MBD5: variants seen among roughly 807,000 people sequenced by gnomAD.
MBD5 encodes methyl-CpG binding domain protein 5.
A neutral mutation model predicts 117.3 loss-of-function variants in MBD5; 13 were observed. The observed-to-expected ratio is 0.11, with a 90% confidence interval of 0.07 to 0.18. MBD5 has a LOEUF of 0.18. Among genes scored for constraint, MBD5 ranks in the 10% least tolerant of loss-of-function variants. The probability of loss-of-function intolerance (pLI) is 1.00; values close to 1 mark genes in which losing one functional copy is unlikely to be tolerated. For missense variants in MBD5, 1,879 were observed against 2,093.8 expected, an observed-to-expected ratio of 0.90 and a Z score of 2.00; for synonymous variants, 727 against 766.4, an observed-to-expected ratio of 0.95 and a Z score of 0.85.
rs1448983984 is a variant in MBD5 at position 148,469,001 on chromosome 2, C to G, written c.1058C>G (p.Ser353Cys). 6.2e-7 allele frequency: 1 copy of G among 1,613,640 alleles called. No homozygotes were observed. The highest frequency in any genetic ancestry group is 1.7e-5 in the Admixed American group (1 of 59,964). ...SCALQKKPLT[S>C]EKDPLGILDP... ...GCTCTTCAGAAAAAGCCATTAACAT[C>G]TGAGAAAGATCCACTTGGCATTCTT... Residue 353 changes from serine (S) to cysteine (C), a missense_variant, in exon 8 of 14, where the codon TCT (serine) becomes TGT (cysteine). Coordinates refer to ENST00000642680, the MANE Select transcript of MBD5 (RefSeq NM_001378120.1).
intron 3 of MBD5, among the ~76,000 whole-genome samples, chr2:148,289,437 A>C (rs1474583108): frequency 1.3e-5 from 2 of 152,176 alleles, no homozygotes; most frequent in Non-Finnish European, 2.9e-5. Flanking sequence ...ATTTTCTTAC[A>C]CTGTGGGTAG....
chr2:148,393,329 C>T (rs1704617503), intron 4 of MBD5: 1 of 152,112 alleles, frequency 6.6e-6, no homozygotes. Context: ...CAACTACCTA[C>T]AATGAAGAAA....
intron 11 of MBD5, among the ~76,000 whole-genome samples, chr2:148,496,252 T>C (rs1681699318): frequency 6.6e-6 from 1 of 152,154 alleles, no homozygotes; most frequent in Admixed American, 6.5e-5. Context: ...GGGAGCAAAA[T>C]AGTTTTTCAA....
chr2:148,475,191 C>T (rs181407208), intron 8 of MBD5, among the ~76,000 whole-genome samples: 1 of 152,154 alleles, frequency 6.6e-6, no homozygotes, highest in Admixed American at 6.6e-5. Flanking sequence ...GATTTTATCC[C>T]CCAATCAGAT....
chr2:148,455,502 T>A (rs571572621), intron 4 of MBD5, among the ~76,000 whole-genome samples: 5 of 152,144 alleles, frequency 3.3e-5, no homozygotes, highest in Non-Finnish European at 7.3e-5. Context: ...AGTCTGAGAT[T>A]GGGCCTGTGA....
At chr2:148,201,270 T>C (rs1460548950) in intron 2 of MBD5, among the ~76,000 whole-genome samples, 1 of 151,928 alleles carries the variant, frequency 6.6e-6, no homozygotes, top group Non-Finnish European at 1.5e-5. Flanking sequence ...GGCACAAGAG[T>C]GGGCTCCACA....
rs1233924916 is a variant in MBD5 at position 148,470,109 on chromosome 2, T to C, written c.2166T>C (p.Gly722=). 6.2e-7 allele frequency: 1 copy of C among 1,613,540 alleles called. No homozygotes were observed. Among genetic ancestry groups the C allele is most frequent in the Non-Finnish European group, 8.5e-7 (1 of 1,179,816 alleles). Residue 722 remains glycine, a synonymous_variant, in exon 8 of 14, where the codon GGT becomes GGC. Transcript: ENST00000642680. ...SSHLSSNSTP[G]CGASNTALPC... ...ACTTGAGTAGCAATAGTACCCCGGG[T>C]TGTGGGGCCTCAAATACTGCTTTGC...
chr2:148,385,502 A>G (rs971669620), intron 4 of MBD5, among the ~76,000 whole-genome samples: 1 of 152,256 alleles, frequency 6.6e-6, no homozygotes, highest in Non-Finnish European at 1.5e-5. Context: ...ACACTTTTAC[A>G]CTGTTGGTGG....
At chr2:148,046,117 G>A (rs1257160417) in intron 1 of MBD5, among the ~76,000 whole-genome samples, 5 of 148,758 alleles carry the variant, frequency 3.4e-5, no homozygotes, top group African/African-American at 1.2e-4. Flanking sequence ...TCGAGTAGCT[G>A]GGACTACAGG....
At chr2:148,068,191 C>A (rs140735357) in intron 1 of MBD5, among the ~76,000 whole-genome samples, 1 of 152,024 alleles carries the variant, frequency 6.6e-6, no homozygotes, top group Non-Finnish European at 1.5e-5. Flanking sequence ...ACCTAAGCTG[C>A]GATCTAAGAG....
intron 3 of MBD5, among the ~76,000 whole-genome samples, chr2:148,242,692 A>G (rs1700241777): frequency 6.6e-6 from 1 of 152,302 alleles, no homozygotes; most frequent in Admixed American, 6.5e-5. Context: ...GTATTAAAAA[A>G]CTACCACTAT....
At chr2:148,222,256 C>T (rs1020226471) in intron 2 of MBD5, among the ~76,000 whole-genome samples, 14 of 151,922 alleles carry the variant, frequency 9.2e-5, no homozygotes, top group South Asian at 2.1e-4. Flanking sequence ...TTCTGTGGTT[C>T]CATATAAATT....
intron 4 of MBD5, among the ~76,000 whole-genome samples, chr2:148,433,716 G>A (rs1474913994): frequency 1.3e-5 from 2 of 152,116 alleles, no homozygotes; most frequent in Non-Finnish European, 2.9e-5. Flanking sequence ...GATCGTGGTG[G>A]ATTAGCTTTT....
intron 2 of MBD5, among the ~76,000 whole-genome samples, chr2:148,228,366 A>G (rs1354952974): frequency 6.6e-6 from 1 of 152,190 alleles, no homozygotes; most frequent in Non-Finnish European, 1.5e-5. Context: ...CTATTGAGAT[A>G]ATCATGTGGT....
intron 3 of MBD5, chr2:148,243,967 A>G (rs1700279087): frequency 6.6e-6 from 1 of 151,512 alleles, no homozygotes; most frequent in South Asian, 2.1e-4. Context: ...GTGATCTTTA[A>G]GGGAACCTAG....
At position 148,462,689 on chromosome 2, in the gene MBD5, C is replaced by A; in HGVS notation, c.216+5C>A. ...TGTCCTCTTATTCTTCCCAAGGTAA[C>A]CATTTCACAATAGATCTACAGCAGT... On this transcript the variant is annotated splice_donor_5th_base_variant and intron_variant, in intron 6 of 13. Coordinates refer to ENST00000642680, the MANE Select transcript of MBD5 (RefSeq NM_001378120.1). The A allele has an allele frequency of 6.4e-7, 1 of 1,558,940 alleles. No individual in the cohort carries two copies. The highest frequency in any genetic ancestry group is 1.4e-5 in the African/African-American group (1 of 73,898).
intron 4 of MBD5, among the ~76,000 whole-genome samples, chr2:148,371,056 TCTC>T (rs1423560954): frequency 3.3e-5 from 5 of 152,202 alleles, no homozygotes. Context: ...AGGATTGTCT[TCTC>T]ATGGAACATT....
chr2:148,323,970 T>C (rs1348567522), intron 3 of MBD5, among the ~76,000 whole-genome samples: 1 of 152,182 alleles, frequency 6.6e-6, no homozygotes, highest in South Asian at 2.1e-4. Flanking sequence ...GTTTTTATGG[T>C]TTTAGGTCTA....
chr2:148,092,630 A>G (rs1226643460), intron 1 of MBD5, among the ~76,000 whole-genome samples: 1 of 152,168 alleles, frequency 6.6e-6, no homozygotes, highest in Non-Finnish European at 1.5e-5. Flanking sequence ...ATGCAAATGC[A>G]TAAGAATAAT....
Sources: allele counts gnomAD v4.1 joint callset (sites outside exome capture counted in the v4.1 genomes callset), GRCh38; gene constraint gnomAD v4.1.1; transcripts MANE v1.5; gene names NCBI Gene and HGNC (gene_info 2026-07-23, HGNC 2026-07-21).